HIBCH: variants seen among roughly 807,000 people sequenced by gnomAD.
HIBCH encodes the protein 3-hydroxyisobutyryl-CoA hydrolase.
HIBCH carries 50 observed loss-of-function variants against 58.2 expected under a neutral mutation model. The observed-to-expected ratio is 0.86, with a 90% CI of 0.68 to 1.09. The LOEUF is 1.09. Ranked by LOEUF, HIBCH falls within the 50% of genes least tolerant of loss-of-function variation. The probability of loss-of-function intolerance (pLI) is 0.00; values close to 1 mark genes in which losing one functional copy is unlikely to be tolerated. For missense variants in HIBCH, 450 were observed against 449.7 expected (o/e 1.00, Z -0.01); for synonymous variants, 151 against 146.9 (o/e 1.03, Z -0.20).
intron 11 of HIBCH, among the ~76,000 whole-genome samples, chr2:190,225,135 T>C (rs1489659630): frequency 7.2e-5 from 11 of 152,126 alleles, no homozygotes; most frequent in Admixed American, 7.2e-4. Context: ...TAGAGGGAAA[T>C]TTATAGAACT....
intron 6 of HIBCH, among the ~76,000 whole-genome samples, chr2:190,276,350 T>G (rs1030910058): frequency 6.6e-6 from 1 of 152,216 alleles, no homozygotes; most frequent in African/African-American, 2.4e-5. Context: ...TTATTAGGCA[T>G]CCACCTTATA....
In HIBCH at chr2:190,236,857, A is replaced by G. The variant is rs1441345742; in HGVS notation, c.891+8030T>C. ...ATGTTTCCTAAATGCCAATGGTAGC[A>G]TTTAAGGGTCGCTAAGGCCCATCAG... On this transcript the variant is annotated intron_variant, in intron 11 of 13. Transcript: ENST00000359678. The surrounding 1 kb of genome is among the most constrained non-coding windows in gnomAD (Gnocchi z 4.1). Among the ~76,000 whole-genome samples, 1 of 152,212 alleles carries G rather than the reference A, an allele frequency of 6.6e-6. No individual in the cohort carries two copies.
intron 7 of HIBCH, among the ~76,000 whole-genome samples, chr2:190,258,019 T>C (rs912179988): frequency 6.6e-6 from 1 of 152,196 alleles, no homozygotes; most frequent in African/African-American, 2.4e-5. Flanking sequence ...TTTGGCTCTG[T>C]GTCCCCATTC....
chr2:190,287,074 TTG>T, intron 6 of HIBCH, among the ~76,000 whole-genome samples: 1 of 90,958 alleles, frequency 1.1e-5, no homozygotes, highest in African/African-American at 4.4e-5. Flanking sequence ...ATATATTTTT[TTG>T]TTTTTGAGAC....
intron 4 of HIBCH, among the ~76,000 whole-genome samples, chr2:190,291,096 T>C (rs531267832): frequency 6.6e-6 from 1 of 152,342 alleles, no homozygotes; most frequent in East Asian, 1.9e-4. Flanking sequence ...TTGCTAGACA[T>C]ACATTTCCTT....
intron 6 of HIBCH, among the ~76,000 whole-genome samples, chr2:190,268,869 G>T (rs1187181960): frequency 6.6e-6 from 1 of 152,080 alleles, no homozygotes; most frequent in East Asian, 1.9e-4. Flanking sequence ...GCATGGTACT[G>T]GTACCAAAAG....
At chr2:190,233,308 G>C (rs1686166682) in intron 11 of HIBCH, among the ~76,000 whole-genome samples, 3 of 152,128 alleles carry the variant, frequency 2.0e-5, no homozygotes, top group Admixed American at 2.0e-4. Flanking sequence ...AGATGATATG[G>C]TTTGGCTGTG....
intron 7 of HIBCH, among the ~76,000 whole-genome samples, chr2:190,256,377 C>A (rs998842569): frequency 2.0e-5 from 3 of 146,394 alleles, no homozygotes; most frequent in Non-Finnish European, 3.0e-5. Context: ...GTGCAGAACA[C>A]AAAGCAAGAT....
intron 1 of HIBCH, among the ~76,000 whole-genome samples, chr2:190,191,277 G>A (rs949376074): frequency 1.3e-5 from 2 of 151,936 alleles, no homozygotes; most frequent in African/African-American, 4.8e-5. Flanking sequence ...CAAGCAGCTG[G>A]GACTACAGGT....
intron 6 of HIBCH, among the ~76,000 whole-genome samples, chr2:190,262,201 C>A (rs901367217): frequency 1.9e-4 from 27 of 144,912 alleles, no homozygotes; most frequent in African/African-American, 7.0e-4. Context: ...AAGAAAAAAA[C>A]CCTGAGAATG....
chr2:190,273,859 A>C (rs557825425), intron 6 of HIBCH, among the ~76,000 whole-genome samples: 4 of 151,944 alleles, frequency 2.6e-5, no homozygotes, highest in African/African-American at 9.7e-5. Flanking sequence ...GCAGGGTCTC[A>C]GATGCAGTGA....
In HIBCH at chr2:190,296,886, A is replaced by G. The variant is rs748354803; in HGVS notation, c.146T>C (p.Ile49Thr). The G allele has an allele frequency of 6.2e-7, 1 of 1,613,850 alleles. No individual in the cohort carries two copies. ...LLEKKGCTGV[I>T]TLNRPKFLNA... ...GAGGAACTTTGGTCTGTTTAGTGTTATGACTCCCGTGCAACCTTTTTTTTC... is the reference window on the plus strand; with the variant it reads ...GAGGAACTTTGGTCTGTTTAGTGTTGTGACTCCCGTGCAACCTTTTTTTTC... Residue 49 changes from isoleucine (I) to threonine (T), a missense_variant, in exon 3 of 14, where the codon ATA becomes ACA. Physicochemically the swap from Ile to Thr is moderately conservative, Grantham distance 89. Coordinates refer to ENST00000359678, the MANE Select transcript of HIBCH (RefSeq NM_014362.4).
At chr2:190,248,062 GTTGT>G (rs749628073) in intron 9 of HIBCH, among the ~76,000 whole-genome samples, 2 of 152,034 alleles carry the variant, frequency 1.3e-5, no homozygotes, top group South Asian at 2.1e-4. Flanking sequence ...AACATCTGTT[GTTGT>G]TTAAGAGGTA....
intron 11 of HIBCH, among the ~76,000 whole-genome samples, chr2:190,230,853 C>T (rs1365984654): frequency 6.6e-6 from 1 of 152,126 alleles, no homozygotes; most frequent in Non-Finnish European, 1.5e-5. Context: ...ATGAGTCTAG[C>T]ATAACCTTAT....
intron 1 of HIBCH, among the ~76,000 whole-genome samples, chr2:190,318,447 A>C (rs892403348): frequency 1.3e-5 from 2 of 152,086 alleles, no homozygotes; most frequent in Admixed American, 6.6e-5. Context: ...CTATTCCCTT[A>C]TACAGTTGTG....
intron 6 of HIBCH, among the ~76,000 whole-genome samples, chr2:190,274,644 T>C (rs1559047294): frequency 6.6e-6 from 1 of 152,130 alleles, no homozygotes; most frequent in African/African-American, 2.4e-5. Flanking sequence ...AGAAAAACAG[T>C]TTATTAACAT....
intron 2 of HIBCH, among the ~76,000 whole-genome samples, chr2:190,309,159 T>C (rs1234904999): frequency 2.0e-5 from 3 of 152,192 alleles, no homozygotes; most frequent in Non-Finnish European, 2.9e-5. Context: ...AAACCATAAG[T>C]GTTTACACTA....
intron 9 of HIBCH, among the ~76,000 whole-genome samples, chr2:190,247,676 A>T (rs1686649789): frequency 1.3e-5 from 2 of 152,086 alleles, no homozygotes; most frequent in Admixed American, 1.3e-4. Context: ...CACAGATTTT[A>T]ATCTGTTCTG....
intron 6 of HIBCH, among the ~76,000 whole-genome samples, chr2:190,286,299 T>C (rs962437551): frequency 6.8e-6 from 1 of 147,554 alleles, no homozygotes; most frequent in East Asian, 1.9e-4. Context: ...CAATCATACT[T>C]CTATATGACT....
Sources: allele counts gnomAD v4.1 joint callset (sites outside exome capture counted in the v4.1 genomes callset), GRCh38; gene constraint gnomAD v4.1.1; non-coding constraint Gnocchi (gnomAD v3.1); transcripts MANE v1.5; gene names NCBI Gene and HGNC (gene_info 2026-07-23, HGNC 2026-07-21).